The following SLC30A2 variants were observed in gnomAD, a reference collection of about 807,000 sequenced individuals.
The protein encoded by SLC30A2 is solute carrier family 30 member 2, also known as proton-coupled zinc antiporter SLC30A2.
SLC30A2 carries 19 observed loss-of-function variants against 39.6 expected under a neutral mutation model. That is an observed-to-expected ratio of 0.48 (90% CI 0.34 to 0.70). The LOEUF is 0.70. SLC30A2 is among the 30% of genes least tolerant of loss of function. The probability of loss-of-function intolerance (pLI) is 0.01; values close to 1 mark genes in which losing one functional copy is unlikely to be tolerated. For missense variants in SLC30A2, 387 were observed against 479.4 expected, an observed-to-expected ratio of 0.81 and a Z score of 1.80; for synonymous variants, 195 against 194.8, an observed-to-expected ratio of 1.00 and a Z score of -0.01.
At chr1:26,040,298 G>C (rs1254504649) in intron 6 of SLC30A2, among the ~76,000 whole-genome samples, 1 of 152,034 alleles carries the variant, frequency 6.6e-6, no homozygotes, top group Non-Finnish European at 1.5e-5. Flanking sequence ...ACCCAGGCTG[G>C]AGTGCAGTGG....
chr1:26,042,492 T>C (rs976839763), intron 5 of SLC30A2, 57 bp downstream of exon 5: 19 of 1,476,156 alleles, frequency 1.3e-5, no homozygotes, highest in Non-Finnish European at 1.7e-5. Flanking sequence ...GTAGAGAGTA[T>C]ACTCAGGTGG....
Position 26,038,990 on chromosome 1 carries a change from T to A in SLC30A2, c.*170A>T. The A allele has an allele frequency of 2.1e-6, 3 of 1,398,368 alleles. No individual in the cohort carries two copies. Among genetic ancestry groups the A allele is most frequent in the Non-Finnish European group, 2.8e-6 (3 of 1,074,290 alleles). 86.6% of individuals were successfully genotyped at this position (1,398,368 alleles called of 1,614,324 possible). A position where few individuals can be genotyped will look rare whatever the true frequency, so the allele number is the denominator to read the frequency against. Reference sequence around the variant, plus strand: ...CGCTGAGTCCCCACCCTGGCTGTAGTCAGATGGGAGGCTGGGAAGAGCTCC... The same window carrying A: ...CGCTGAGTCCCCACCCTGGCTGTAGACAGATGGGAGGCTGGGAAGAGCTCC... On this transcript the variant is annotated 3_prime_UTR_variant, in exon 8 of 8. Transcript: ENST00000374276.
At chr1:26,045,480 G>A (rs1310888749) in intron 1 of SLC30A2, 2 of 591,920 alleles carry the variant, frequency 3.4e-6, no homozygotes, top group South Asian at 2.0e-5. Context: ...AGTGGAGCGC[G>A]GGGAAGGAAC....
intron 5 of SLC30A2, 33 bp downstream of exon 5, chr1:26,042,516 G>T (rs746946275): frequency 5.0e-6 from 8 of 1,595,062 alleles, no homozygotes; most frequent in Non-Finnish European, 6.0e-6. Flanking sequence ...ACACTCCCCT[G>T]CCACCCCCAC....
In SLC30A2 at chr1:26,045,889, G is replaced by A; in HGVS notation, c.8C>T (p.Ala3Val). 6.2e-7 allele frequency: 1 copy of A among 1,612,356 alleles called. No homozygotes were observed. The highest frequency in any genetic ancestry group is 1.7e-4 in the Middle Eastern group (1 of 5,868). Reference sequence around the variant, plus strand: ...GTCCAACAGATGCTGCTTCTCCTTGGCCTCCATGCAGTCCCGCGCCGAGTC... The same window carrying A: ...GTCCAACAGATGCTGCTTCTCCTTGACCTCCATGCAGTCCCGCGCCGAGTC... Reference protein sequence around the residue: MEAKEKQHLLDAR... With the variant: MEVKEKQHLLDAR... The change falls in exon 1 of 8, where the codon GCC (alanine) becomes GTC (valine). Residue 3 changes from alanine to valine, a missense_variant. Ala to Val is a moderately conservative substitution (Grantham distance 64). Coordinates refer to ENST00000374276, the MANE Select transcript of SLC30A2 (RefSeq NM_001004434.3).
Position 26,039,402 on chromosome 1 carries a change from G to C in SLC30A2, c.974-97C>G. 1.1e-6 allele frequency: 1 copy of C among 915,576 alleles called. No homozygotes were observed. Among genetic ancestry groups the C allele is most frequent in the Non-Finnish European group, 1.7e-6 (1 of 596,962 alleles). The allele number at this position is 915,576 out of a possible 1,614,324, so 56.7% of individuals were successfully genotyped here. ...TCATACCCCATCCCCAGCAGAACAG[G>C]ATGGGGGACCATGAACATGGAGAAG... On this transcript the variant is annotated intron_variant, in intron 7 of 7. Transcript: ENST00000374276. The surrounding 1 kb of genome is among the most constrained non-coding windows in gnomAD (Gnocchi z 4.3).
At chr1:26,043,240 C>T (rs1239699070) in intron 4 of SLC30A2, among the ~76,000 whole-genome samples, 158 bp downstream of exon 4, 2 of 152,200 alleles carry the variant, frequency 1.3e-5, no homozygotes, top group East Asian at 1.9e-4. Flanking sequence ...AGGTAGGACC[C>T]AGGTGTTCCA....
At position 26,043,364 on chromosome 1, in the gene SLC30A2, G is replaced by A. The variant is rs781299482; in HGVS notation, c.572+34C>T. The A allele has an allele frequency of 1.5e-5, 24 of 1,601,902 alleles. No individual in the cohort carries two copies. In the Admixed American group the frequency reaches 3.2e-4, roughly 21 times the overall value. ...GTGTGGGTGTGAGAGGCGGGAGGAG[G>A]AGGGGAGACGAGGGAAACTGGGGCC... On this transcript the variant is annotated intron_variant, in intron 4 of 7. Coordinates refer to ENST00000374276, the MANE Select transcript of SLC30A2 (RefSeq NM_001004434.3).
rs772159656 is a variant in SLC30A2, at chr1:26,043,378, G to A, written c.572+20C>T. On this transcript the variant is annotated intron_variant, in intron 4 of 7. Coordinates refer to ENST00000374276, the MANE Select transcript of SLC30A2 (RefSeq NM_001004434.3). ...GGCGGGAGGAGGAGGGGAGACGAGG[G>A]AAACTGGGGCCCCACTCACATGATG... is the stretch of plus-strand genomic sequence containing the variant. 32 of 1,608,956 alleles carry A rather than the reference G, an allele frequency of 2.0e-5. No homozygotes were observed. The highest frequency in any genetic ancestry group is 2.7e-5 in the Non-Finnish European group (32 of 1,176,390).
At chr1:26,045,450 G>A in intron 1 of SLC30A2, 1 of 599,754 alleles carries the variant, frequency 1.7e-6, no homozygotes, top group Non-Finnish European at 3.0e-6. Flanking sequence ...CCTGGGAACC[G>A]GCCAAGGGGC....
chr1:26,041,513 C>A (rs563518420), intron 6 of SLC30A2, among the ~76,000 whole-genome samples, 187 bp downstream of exon 6: 1 of 152,308 alleles, frequency 6.6e-6, no homozygotes, highest in East Asian at 1.9e-4. Flanking sequence ...AACTGCCACA[C>A]CTGAAAGCCC....
At position 26,045,021 on chromosome 1, in the gene SLC30A2, A is replaced by G. The variant is rs1186339034; in HGVS notation, c.247T>C (p.Leu83=). 1 of 1,614,232 alleles carries G rather than the reference A, an allele frequency of 6.2e-7. No individual in the cohort carries two copies. The highest frequency in any genetic ancestry group is 1.1e-5 in the South Asian group (1 of 91,086). Reference sequence around the variant, plus strand: ...CCAACGACTTCTCCGATCATGAACAACAGGCAGATGGCAGAGGCTACATAC... The same window carrying G: ...CCAACGACTTCTCCGATCATGAACAGCAGGCAGATGGCAGAGGCTACATAC... ...QLYVASAICL[L]FMIGEVVGGY... Residue 83 remains leucine, a synonymous_variant, in exon 2 of 8, where the codon TTG becomes CTG. Coordinates refer to ENST00000374276, the MANE Select transcript of SLC30A2 (RefSeq NM_001004434.3).
At chr1:26,040,890 G>A (rs1035187313) in intron 6 of SLC30A2, among the ~76,000 whole-genome samples, 40 of 145,536 alleles carry the variant, frequency 2.7e-4, no homozygotes, top group African/African-American at 9.3e-4. Flanking sequence ...CCAAAAGTTC[G>A]AGACCAGCCA....
chr1:26,041,314 A>G (rs1313377400), intron 6 of SLC30A2, among the ~76,000 whole-genome samples: 1 of 152,104 alleles, frequency 6.6e-6, no homozygotes, highest in Non-Finnish European at 1.5e-5. Flanking sequence ...CCCTCTGTGC[A>G]ATGAGAAGCA....
intron 6 of SLC30A2, among the ~76,000 whole-genome samples, chr1:26,041,322 G>C (rs956085971): frequency 3.6e-4 from 55 of 152,238 alleles, no homozygotes; most frequent in African/African-American, 1.3e-3. Flanking sequence ...GCAATGAGAA[G>C]CATAATCCTC....
intron 3 of SLC30A2, among the ~76,000 whole-genome samples, chr1:26,043,926 G>A (rs1051302133): frequency 1.3e-5 from 2 of 152,192 alleles, no homozygotes; most frequent in African/African-American, 4.8e-5. Flanking sequence ...CGGAAGAGAG[G>A]TTAAAGCCTA....
chr1:26,043,589 G>T lies in SLC30A2; in HGVS notation c.419-38C>A, dbSNP rs776183374. The stretch of plus-strand genomic sequence containing the variant: ...CCAACCCCAACACCCACCTTGGCAT[G>T]GGCCTGGAGCTAAGGAGTCTTCCCC... On this transcript the variant is annotated intron_variant, in intron 3 of 7. Coordinates refer to ENST00000374276, the MANE Select transcript of SLC30A2 (RefSeq NM_001004434.3). 5 of 1,601,778 alleles carry T rather than the reference G, an allele frequency of 3.1e-6. No individual in the cohort carries two copies. The Admixed American group carries it at 5.1e-5, about 16-fold the overall frequency.
In SLC30A2 at chr1:26,042,612, A is replaced by G. The variant is rs775541026; in HGVS notation, c.669T>C (p.His223=). ...ENPSVRAAFI[H]VIGDFMQSMG... is the part of the protein sequence containing the mutation. ...TGCTCTGCATAAAGTCGCCGATCAC[A>G]TGGATGAAGGCAGCTCGGACGCTGG... is the stretch of plus-strand genomic sequence containing the variant. The change falls in exon 5 of 8, where the codon CAT becomes CAC. Residue 223 remains histidine (H), a synonymous_variant. Transcript: ENST00000374276. 4 of 1,614,162 alleles carry G rather than the reference A, an allele frequency of 2.5e-6. No homozygotes were observed. The highest frequency in any genetic ancestry group is 3.4e-6 in the Non-Finnish European group (4 of 1,180,010).
At chr1:26,044,171 T>G in intron 3 of SLC30A2, 127 bp downstream of exon 3, 1 of 981,910 alleles carries the variant, frequency 1.0e-6, no homozygotes, top group Admixed American at 2.0e-5. Flanking sequence ...TCTTCCCCCA[T>G]CCAGATCACC....
Sources: allele counts gnomAD v4.1 joint callset (sites outside exome capture counted in the v4.1 genomes callset), GRCh38; gene constraint gnomAD v4.1.1; non-coding constraint Gnocchi (gnomAD v3.1); transcripts MANE v1.5; gene names NCBI Gene and HGNC (gene_info 2026-07-23, HGNC 2026-07-21).